The following MAML3 variants were observed in gnomAD, a reference collection of about 807,000 sequenced individuals.
The protein encoded by MAML3 is mastermind like transcriptional coactivator 3, also known as mastermind-like protein 3.
MAML3 carries 27 observed loss-of-function variants against 101.9 expected under a neutral mutation model. The observed-to-expected ratio is 0.27, with a 90% confidence interval of 0.20 to 0.37. MAML3 has a LOEUF of 0.37. Among genes scored for constraint, MAML3 ranks in the 10% least tolerant of loss-of-function variants. The pLI is 1.00. For synonymous variants in MAML3, 501 were observed against 555.9 expected (o/e 0.90, Z 1.39); for missense variants, 1,316 against 1,444.9 (o/e 0.91, Z 1.45).
chr4:140,017,211 A>C (rs920195202), intron 1 of MAML3, among the ~76,000 whole-genome samples: 4 of 152,232 alleles, frequency 2.6e-5, no homozygotes, highest in Admixed American at 2.0e-4. Flanking sequence ...GTTCAACATC[A>C]TTAGCCACCA....
At chr4:139,817,782 C>G (rs1014519248) in intron 2 of MAML3, among the ~76,000 whole-genome samples, 4 of 152,238 alleles carry the variant, frequency 2.6e-5, no homozygotes, top group Admixed American at 1.3e-4. Context: ...CTGAAGCCAT[C>G]TGACCAGTAT....
intron 2 of MAML3, among the ~76,000 whole-genome samples, chr4:139,871,623 G>A (rs939025082): frequency 1.3e-5 from 2 of 152,116 alleles, no homozygotes; most frequent in Non-Finnish European, 2.9e-5. Flanking sequence ...ATTGCTTCTT[G>A]TATCACAAGC....
chr4:140,091,124 T>G (rs1728038701), intron 1 of MAML3, among the ~76,000 whole-genome samples: 1 of 152,276 alleles, frequency 6.6e-6, no homozygotes, highest in East Asian at 1.9e-4. Context: ...CTTTTTCTAA[T>G]TAGGAAAAGC....
At chr4:140,123,071 T>G (rs1376280031) in intron 1 of MAML3, among the ~76,000 whole-genome samples, 2 of 150,238 alleles carry the variant, frequency 1.3e-5, no homozygotes, top group Non-Finnish European at 2.9e-5. Context: ...ATTTCAAACT[T>G]CTTCTAGGTA....
chr4:139,899,464 T>A (rs1202240108), intron 1 of MAML3, among the ~76,000 whole-genome samples: 1 of 152,242 alleles, frequency 6.6e-6, no homozygotes, highest in African/African-American at 2.4e-5. Context: ...CCACATTATA[T>A]ATTTCCCTTC....
intron 2 of MAML3, among the ~76,000 whole-genome samples, chr4:139,777,985 T>A (rs1730123098): frequency 6.6e-6 from 1 of 152,186 alleles, no homozygotes; most frequent in South Asian, 2.1e-4. Context: ...TGGCTCCTTT[T>A]GTCATTCTGT....
chr4:139,916,018 A>G (rs1733021941), intron 1 of MAML3, among the ~76,000 whole-genome samples: 1 of 152,200 alleles, frequency 6.6e-6, no homozygotes, highest in Non-Finnish European at 1.5e-5. Flanking sequence ...CTTTTCTCTT[A>G]ATTCCCACAT....
At position 139,884,147 on chromosome 4, in the gene MAML3, G is replaced by T. The variant is rs146176631; in HGVS notation, c.2079+5210C>A. 3.3e-5 allele frequency among the ~76,000 whole-genome samples: 5 copies of T among 152,228 alleles called. No homozygotes were observed. The South Asian group carries it at 8.3e-4, about 25-fold the overall frequency. ...GATCCACCCGACTCGGCCTCCTAAA[G>T]TGCTGGGATTACAGGCGTGAGCCAC... On this transcript the variant is annotated intron_variant, in intron 2 of 4. Transcript: ENST00000509479.
At chr4:139,974,413 G>T (rs2110797673) in intron 1 of MAML3, among the ~76,000 whole-genome samples, 1 of 152,100 alleles carries the variant, frequency 6.6e-6, no homozygotes, top group South Asian at 2.1e-4. Flanking sequence ...CCATTTAATT[G>T]AACTTAGTAA....
In MAML3 at chr4:139,931,383, A is replaced by G. The variant is rs184604699; in HGVS notation, c.469-40416T>C. On this transcript the variant is annotated intron_variant, in intron 1 of 4. Coordinates refer to ENST00000509479, the MANE Select transcript of MAML3 (RefSeq NM_018717.5). ...TAAAATGAACCAGCACACTTAGGAC[A>G]CGACAGGGTTCCTGCTGTCATTTCT... Among the ~76,000 whole-genome samples, 4 of 152,316 alleles carry G rather than the reference A, an allele frequency of 2.6e-5. No homozygotes were observed. The East Asian group carries it at 7.7e-4, about 29-fold the overall frequency.
chr4:139,730,970 G>A, intron 2 of MAML3: 1 of 381,138 alleles, frequency 2.6e-6, no homozygotes, highest in Non-Finnish European at 4.8e-6. Flanking sequence ...AACATCCTGT[G>A]TTCCTCCAAG....
chr4:139,844,592 G>C (rs1420607134), intron 2 of MAML3, among the ~76,000 whole-genome samples: 26 of 152,188 alleles, frequency 1.7e-4, no homozygotes, highest in Admixed American at 1.4e-3. Flanking sequence ...TGACAATAAG[G>C]CTGTCAGAGC....
At chr4:140,134,237 T>C (rs1172802344) in intron 1 of MAML3, 2 of 456,542 alleles carry the variant, frequency 4.4e-6, no homozygotes, top group Non-Finnish European at 8.8e-6. Context: ...AAACCAGAAA[T>C]ACTTCCCCTA....
intron 2 of MAML3, among the ~76,000 whole-genome samples, chr4:139,821,436 G>A (rs1335634028): frequency 6.6e-6 from 1 of 152,192 alleles, no homozygotes; most frequent in African/African-American, 2.4e-5. Flanking sequence ...AGAATCTAAT[G>A]CCTAATGATC....
rs899607209 is a variant in MAML3, at chr4:139,735,616, G to A, written c.2080-4949C>T. On this transcript the variant is annotated intron_variant, in intron 2 of 4. Transcript: ENST00000509479. This position sits in a 1 kb window ranked among gnomAD's most constrained non-coding sequence, Gnocchi z 5.8. ...GGCCCGGCACCGCTGCTTCGGCTCA[G>A]AGTCCTTGCAATCGCTTGGCCTACG... Among the ~76,000 whole-genome samples the A allele has an allele frequency of 1.3e-5, 2 of 152,202 alleles. No individual in the cohort carries two copies. Among genetic ancestry groups the A allele is most frequent in the African/African-American group, 4.8e-5 (2 of 41,450 alleles).
chr4:139,895,255 T>C (rs13139424), intron 1 of MAML3, among the ~76,000 whole-genome samples: 102,568 of 152,146 alleles, frequency 0.67, 38,454 homozygotes, highest in Non-Finnish European at 0.85. Context: ...ACCTAGGAGC[T>C]AATACATATC....
chr4:140,105,914 C>T (rs1046366642), intron 1 of MAML3, among the ~76,000 whole-genome samples: 2 of 152,024 alleles, frequency 1.3e-5, no homozygotes, highest in African/African-American at 4.8e-5. Flanking sequence ...TGCGAGGTGG[C>T]TATAGCTTTC....
At chr4:140,093,412 G>GTTTTTT (rs1211054649) in intron 1 of MAML3, among the ~76,000 whole-genome samples, 3 of 126,852 alleles carry the variant, frequency 2.4e-5, no homozygotes, top group Non-Finnish European at 5.3e-5. Context: ...ACTCATGTTT[G>GTTTTTT]TTTGTTTTTT....
chr4:139,921,366 T>C (rs953862476), intron 1 of MAML3, among the ~76,000 whole-genome samples: 2 of 152,168 alleles, frequency 1.3e-5, no homozygotes, highest in South Asian at 2.1e-4. Context: ...TTCAGTCTCA[T>C]ACCCTCTCCT....
Sources: gnomAD v4.1 joint callset for allele counts (sites outside exome capture counted in the v4.1 genomes callset) on GRCh38, gnomAD v4.1.1 for gene constraint, Gnocchi (gnomAD v3.1) non-coding constraint, MANE v1.5 for transcripts, NCBI Gene and HGNC (gene_info 2026-07-23, HGNC 2026-07-21) for gene names.